Variants in ASCC3 observed in about 807,000 individuals in gnomAD.
ASCC3 encodes activating signal cointegrator 1 complex subunit 3.
ASCC3 carries 158 observed loss-of-function variants against 256.3 expected under a neutral mutation model. The observed-to-expected ratio is 0.62, with a 90% CI of 0.54 to 0.70. The LOEUF (loss-of-function observed/expected upper bound fraction) is 0.70. Among genes scored for constraint, ASCC3 ranks in the 30% least tolerant of loss-of-function variants. The pLI is 0.00. For synonymous variants in ASCC3, 948 were observed against 883.4 expected, an observed-to-expected ratio of 1.07 and a Z score of -1.30; for missense variants, 2,259 against 2,626.0, an observed-to-expected ratio of 0.86 and a Z score of 3.05.
chr6:100,674,719 G>A (rs991469240), intron 14 of ASCC3, among the ~76,000 whole-genome samples: 9 of 146,106 alleles, frequency 6.2e-5, no homozygotes, highest in African/African-American at 2.3e-4. Flanking sequence ...TGCAACCTCC[G>A]CCTCCCAAGT....
intron 33 of ASCC3, among the ~76,000 whole-genome samples, chr6:100,603,804 T>C (rs900745868): frequency 1.3e-5 from 2 of 152,112 alleles, no homozygotes; most frequent in African/African-American, 4.8e-5. Context: ...TAGTAATATA[T>C]TATCTTTTTA....
intron 13 of ASCC3, among the ~76,000 whole-genome samples, chr6:100,682,788 T>A (rs1333795826): frequency 6.6e-6 from 1 of 152,208 alleles, no homozygotes; most frequent in Non-Finnish European, 1.5e-5. Flanking sequence ...TTTGGAATAT[T>A]TAATTTTGTT....
chr6:100,701,760 G>C (rs1778365841), intron 13 of ASCC3, among the ~76,000 whole-genome samples: 1 of 151,996 alleles, frequency 6.6e-6, no homozygotes, highest in Non-Finnish European at 1.5e-5. Context: ...TGACAGTCAG[G>C]GATGTTTAAA....
intron 1 of ASCC3, 25 bp downstream of exon 1, chr6:100,881,036 C>CCCACCT (rs139606817): frequency 1.3e-5 from 2 of 152,276 alleles, no homozygotes. Context: ...TTCTCGTCCT[C>CCCACCT]CCACCTCCAC....
At chr6:100,642,524 A>T in intron 24 of ASCC3, 57 bp downstream of exon 24, 1 of 1,569,964 alleles carries the variant, frequency 6.4e-7, no homozygotes, top group Non-Finnish European at 8.8e-7. Flanking sequence ...TTTCAACATT[A>T]ATTAAAACAA....
chr6:100,749,639 A>T (rs1458345598), intron 10 of ASCC3, among the ~76,000 whole-genome samples: 2 of 152,084 alleles, frequency 1.3e-5, no homozygotes, highest in East Asian at 3.9e-4. Context: ...ATCTAAAATA[A>T]TATTTATCAT....
At chr6:100,591,518 G>T (rs1350461436) in intron 34 of ASCC3, among the ~76,000 whole-genome samples, 3 of 151,834 alleles carry the variant, frequency 2.0e-5, no homozygotes, top group African/African-American at 7.2e-5. Flanking sequence ...TAGCTGTCAG[G>T]ACTAATACAT....
intron 1 of ASCC3, among the ~76,000 whole-genome samples, chr6:100,875,235 T>C (rs1442448555): frequency 6.6e-6 from 1 of 152,114 alleles, no homozygotes; most frequent in African/African-American, 2.4e-5. Context: ...ACAGAATCAA[T>C]GTGGAATAGG....
chr6:100,706,232 CAGAT>C (rs1778574893), intron 13 of ASCC3, among the ~76,000 whole-genome samples: 1 of 151,106 alleles, frequency 6.6e-6, no homozygotes, highest in African/African-American at 2.4e-5. Flanking sequence ...CATTTTCCGA[CAGAT>C]GGATATATAC....
At chr6:100,667,650 C>T (rs1582663172) in intron 14 of ASCC3, among the ~76,000 whole-genome samples, 1 of 151,958 alleles carries the variant, frequency 6.6e-6, no homozygotes, top group Admixed American at 6.6e-5. Flanking sequence ...GGGGGATGAA[C>T]ATGACATAAA....
chr6:100,820,177 CT>C (rs1770966957), intron 4 of ASCC3, among the ~76,000 whole-genome samples: 1 of 152,226 alleles, frequency 6.6e-6, no homozygotes, highest in Admixed American at 6.5e-5. Context: ...TAGCAGAAAA[CT>C]CAGAATAGTC....
chr6:100,864,888 T>G (rs989223135), intron 2 of ASCC3, among the ~76,000 whole-genome samples: 3 of 152,124 alleles, frequency 2.0e-5, no homozygotes, highest in Admixed American at 2.0e-4. Flanking sequence ...ATCTTTCCAC[T>G]CTCAAGAACT....
intron 25 of ASCC3, 88 bp downstream of exon 25, chr6:100,638,513 G>C: frequency 9.0e-7 from 1 of 1,115,034 alleles, no homozygotes; most frequent in African/African-American, 1.6e-5. Context: ...CTATTCATTA[G>C]ACCCTGCCAA....
At chr6:100,737,513 G>C (rs1165681057) in intron 10 of ASCC3, among the ~76,000 whole-genome samples, 1 of 152,108 alleles carries the variant, frequency 6.6e-6, no homozygotes, top group East Asian at 1.9e-4. Flanking sequence ...GGTCACTGAG[G>C]ATAGTGGCTT....
At chr6:100,876,590 T>C (rs987705843) in intron 1 of ASCC3, among the ~76,000 whole-genome samples, 2 of 152,148 alleles carry the variant, frequency 1.3e-5, no homozygotes, top group African/African-American at 4.8e-5. Context: ...AATCATAACA[T>C]TCATAGTTAA....
intron 13 of ASCC3, among the ~76,000 whole-genome samples, chr6:100,708,539 G>A (rs1363085559): frequency 6.6e-6 from 1 of 152,008 alleles, no homozygotes; most frequent in African/African-American, 2.4e-5. Context: ...GGGCACTTAT[G>A]TACCCCGGGG....
intron 30 of ASCC3, among the ~76,000 whole-genome samples, chr6:100,608,173 T>G (rs1381836878): frequency 1.2e-4 from 13 of 105,386 alleles, no homozygotes; most frequent in African/African-American, 5.1e-4. Flanking sequence ...TATACATATT[T>G]ATATATGTGT....
intron 3 of ASCC3, among the ~76,000 whole-genome samples, chr6:100,861,465 A>G (rs1373149973): frequency 6.6e-6 from 1 of 152,134 alleles, no homozygotes; most frequent in Non-Finnish European, 1.5e-5. Context: ...ATGATAGAAG[A>G]TAAATATAAG....
chr6:100,769,351 A>G (rs1457905369), intron 8 of ASCC3, among the ~76,000 whole-genome samples: 3 of 152,014 alleles, frequency 2.0e-5, no homozygotes, highest in Admixed American at 2.0e-4. Flanking sequence ...CAAGATAGCT[A>G]GAAGAAAAGA....
Sources: allele counts gnomAD v4.1 joint callset (sites outside exome capture counted in the v4.1 genomes callset), GRCh38; gene constraint gnomAD v4.1.1; transcripts MANE v1.5; gene names NCBI Gene and HGNC (gene_info 2026-07-23, HGNC 2026-07-21).